ANKRD13C: variants seen among roughly 807,000 people sequenced by gnomAD.
ANKRD13C encodes the protein ankyrin repeat domain-containing protein 13C.
A neutral mutation model predicts 65.5 loss-of-function variants in ANKRD13C; 16 were observed. That is an observed-to-expected ratio of 0.24 (90% CI 0.17 to 0.37). The LOEUF (loss-of-function observed/expected upper bound fraction) is 0.37. Ranked by LOEUF, ANKRD13C falls within the 10% of genes least tolerant of loss-of-function variation. The pLI, the probability that ANKRD13C is intolerant of heterozygous loss-of-function variation, is 1.00. For synonymous variants in ANKRD13C, 235 were observed against 238.7 expected (o/e 0.98, Z 0.14); for missense variants, 503 against 655.9 (o/e 0.77, Z 2.55).
chr1:70,350,357 T>A (rs1413982058), intron 1 of ANKRD13C, among the ~76,000 whole-genome samples: 1 of 152,198 alleles, frequency 6.6e-6, no homozygotes, highest in Non-Finnish European at 1.5e-5. Context: ...TTAACACACA[T>A]ATAGTATTCA....
chr1:70,327,009 C>T (rs376681334), intron 2 of ANKRD13C, among the ~76,000 whole-genome samples: 30 of 115,406 alleles, frequency 2.6e-4, no homozygotes, highest in African/African-American at 1.0e-3. Flanking sequence ...CATAATACCC[C>T]AGTAATAACT....
At chr1:70,287,725 G>A (rs181528372) in intron 9 of ANKRD13C, among the ~76,000 whole-genome samples, 29 of 152,026 alleles carry the variant, frequency 1.9e-4, no homozygotes, top group Non-Finnish European at 3.5e-4. Flanking sequence ...AAGAACTTTG[G>A]GCCAGGCATA....
At position 70,318,053 on chromosome 1, in the gene ANKRD13C, A is replaced by T. The variant is rs952765701; in HGVS notation, c.578-2487T>A. Among the ~76,000 whole-genome samples the T allele has an allele frequency of 3.9e-5, 6 of 152,204 alleles. No homozygotes were observed. In the South Asian group the frequency reaches 1.2e-3, roughly 31 times the overall value. On this transcript the variant is annotated intron_variant, in intron 3 of 12. Coordinates refer to ENST00000370944, the MANE Select transcript of ANKRD13C (RefSeq NM_030816.5). ...ACTGTATATAGCACAGTATAATAAC[A>T]TATGCGAAGAGATTCCCTTTTCTAT...
intron 10 of ANKRD13C, among the ~76,000 whole-genome samples, chr1:70,275,193 T>C (rs979378311): frequency 1.3e-5 from 2 of 152,230 alleles, no homozygotes; most frequent in Non-Finnish European, 2.9e-5. Flanking sequence ...AGCCTCTGCA[T>C]TGATCAATAA....
chr1:70,299,991 C>T (rs1409909820), intron 7 of ANKRD13C, among the ~76,000 whole-genome samples: 2 of 151,844 alleles, frequency 1.3e-5, no homozygotes, highest in Admixed American at 1.3e-4. Flanking sequence ...AAAATCATGT[C>T]GTACTTGAAG....
rs558782427 is a variant in ANKRD13C at position 70,300,520 on chromosome 1, G to A, written c.921+244C>T. Among the ~76,000 whole-genome samples the A allele has an allele frequency of 3.9e-4, 59 of 152,124 alleles. 1 individual carries two copies. Among genetic ancestry groups the A allele is most frequent in the South Asian group, 2.3e-3 (11 of 4,824 alleles). ...GAAGAATTGCTTGAACCTGGGAGGC[G>A]GAGGTTGCAGTGAGCCTAGATCACG... is the stretch of plus-strand genomic sequence containing the variant. On this transcript the variant is annotated intron_variant, in intron 7 of 12. Coordinates refer to ENST00000370944, the MANE Select transcript of ANKRD13C (RefSeq NM_030816.5).
intron 12 of ANKRD13C, among the ~76,000 whole-genome samples, chr1:70,265,940 A>AGAAG (rs372808790): frequency 4.2e-4 from 63 of 151,026 alleles, no homozygotes; most frequent in African/African-American, 1.5e-3. Context: ...AAGGGAGGGA[A>AGAAG]GAAGGAAGGA....
At chr1:70,317,060 AT>A (rs11331730) in intron 3 of ANKRD13C, among the ~76,000 whole-genome samples, 148,003 of 149,732 alleles carry the variant, frequency 0.99, 73,160 homozygotes, top group East Asian at 1. Flanking sequence ...CTTGGACTAG[AT>A]TTTTTTTTTT....
chr1:70,273,303 C>A (rs1309243249), intron 11 of ANKRD13C, among the ~76,000 whole-genome samples: 1 of 152,102 alleles, frequency 6.6e-6, no homozygotes, highest in Non-Finnish European at 1.5e-5. Context: ...ATGCATTAGG[C>A]CAGATTTGAA....
intron 2 of ANKRD13C, among the ~76,000 whole-genome samples, chr1:70,335,357 G>C (rs979573726): frequency 1.1e-4 from 16 of 149,938 alleles, no homozygotes; most frequent in African/African-American, 1.7e-4. Context: ...AGTGAGCTAA[G>C]ACTGCACCAC....
chr1:70,297,031 C>T (rs939499583), intron 7 of ANKRD13C, among the ~76,000 whole-genome samples: 2 of 151,972 alleles, frequency 1.3e-5, no homozygotes, highest in South Asian at 4.1e-4. Flanking sequence ...TGATCAAGTA[C>T]AGAAGAGTAA....
intron 9 of ANKRD13C, among the ~76,000 whole-genome samples, chr1:70,287,015 G>A (rs1679652054): frequency 6.6e-6 from 1 of 151,382 alleles, no homozygotes; most frequent in South Asian, 2.1e-4. Context: ...ATAAAATAAA[G>A]ACTATAGAAT....
At chr1:70,353,738 C>A (rs1167563420) in intron 1 of ANKRD13C, among the ~76,000 whole-genome samples, 1 of 152,306 alleles carries the variant, frequency 6.6e-6, no homozygotes, top group Admixed American at 6.5e-5. Context: ...CTGTCTCAAA[C>A]AAAACAGCTT....
At chr1:70,315,335 A>C in intron 4 of ANKRD13C, 146 bp downstream of exon 4, 1 of 571,386 alleles carries the variant, frequency 1.8e-6, no homozygotes, top group Non-Finnish European at 3.1e-6. Flanking sequence ...ACATTCATAC[A>C]CTAATTATTG....
intron 5 of ANKRD13C, among the ~76,000 whole-genome samples, chr1:70,307,307 C>T (rs1223615477): frequency 2.6e-5 from 4 of 152,098 alleles, no homozygotes; most frequent in African/African-American, 7.2e-5. Context: ...GAGGCCAAAG[C>T]GGATAAATCG....
At chr1:70,342,333 T>C (rs1339772784) in intron 1 of ANKRD13C, among the ~76,000 whole-genome samples, 1 of 151,530 alleles carries the variant, frequency 6.6e-6, no homozygotes, top group East Asian at 1.9e-4. Flanking sequence ...AGGTCAGGAG[T>C]TCGAGATCAG....
At chr1:70,330,892 CTTACT>C (rs200365909) in intron 2 of ANKRD13C, among the ~76,000 whole-genome samples, 3,246 of 152,110 alleles carry the variant, frequency 0.021, 101 homozygotes, top group Admixed American at 0.086. Context: ...TGAAACCTTC[CTTACT>C]TAAGTATAAT....
chr1:70,336,023 G>C (rs766160654), intron 2 of ANKRD13C, 35 bp downstream of exon 2: 7 of 697,592 alleles, frequency 1.0e-5, no homozygotes, highest in Non-Finnish European at 1.5e-5. Context: ...ATATATAAAT[G>C]AAGTTAAACA....
chr1:70,279,681 T>G (rs141557761), intron 9 of ANKRD13C, among the ~76,000 whole-genome samples: 12 of 152,084 alleles, frequency 7.9e-5, no homozygotes, highest in African/African-American at 1.7e-4. Context: ...TTTTGTATTT[T>G]TAATAGAGAT....
Sources: allele counts gnomAD v4.1 joint callset (sites outside exome capture counted in the v4.1 genomes callset), GRCh38; gene constraint gnomAD v4.1.1; transcripts MANE v1.5; gene names NCBI Gene and HGNC (gene_info 2026-07-23, HGNC 2026-07-21).